SOX5: variants seen among roughly 807,000 people sequenced by gnomAD.
The protein encoded by SOX5 is transcription factor SOX-5.
In SOX5, 9 loss-of-function variants were observed where a neutral mutation model predicts 92.0. That is an observed-to-expected ratio of 0.10 (90% CI 0.06 to 0.17). The LOEUF is 0.17. Ranked by LOEUF, SOX5 falls within the 10% of genes least tolerant of loss-of-function variation. The pLI is 1.00. For synonymous variants in SOX5, 344 were observed against 336.3 expected, an observed-to-expected ratio of 1.02 and a Z score of -0.25; for missense variants, 642 against 944.5, an observed-to-expected ratio of 0.68 and a Z score of 4.20.
At chr12:23,980,622 T>A (rs66731110) in intron 4 of SOX5, among the ~76,000 whole-genome samples, 1 of 152,092 alleles carries the variant, frequency 6.6e-6, no homozygotes, top group Admixed American at 6.5e-5. Flanking sequence ...ACAACATTTC[T>A]GGTATATTCC....
chr12:24,077,054 A>G (rs1398771512), intron 4 of SOX5, among the ~76,000 whole-genome samples: 1 of 152,168 alleles, frequency 6.6e-6, no homozygotes, highest in African/African-American at 2.4e-5. Context: ...CACAGGAAGA[A>G]TTAGCCAATG....
intron 6 of SOX5, among the ~76,000 whole-genome samples, chr12:23,702,138 G>T (rs192429029): frequency 6.6e-6 from 1 of 152,072 alleles, no homozygotes; most frequent in East Asian, 1.9e-4. Flanking sequence ...AATAATATAT[G>T]TCTCTAACCA....
chr12:23,910,435 AGG>A (rs2097339475), intron 1 of SOX5, among the ~76,000 whole-genome samples: 1 of 152,156 alleles, frequency 6.6e-6, no homozygotes, highest in African/African-American at 2.4e-5. Context: ...GATTTCCCGC[AGG>A]TTTAAATACG....
chr12:23,816,574 C>CTT (rs1305789211), intron 3 of SOX5, among the ~76,000 whole-genome samples: 1 of 151,968 alleles, frequency 6.6e-6, no homozygotes, highest in Non-Finnish European at 1.5e-5. Flanking sequence ...GAAACCTGAA[C>CTT]TAAATAGTAA....
chr12:24,346,644 G>T (rs551053547), intron 2 of SOX5, among the ~76,000 whole-genome samples: 1 of 151,920 alleles, frequency 6.6e-6, no homozygotes, highest in African/African-American at 2.4e-5. Context: ...GTAGAGACGG[G>T]GCTTCACTAT....
chr12:23,992,642 G>A (rs1357931189), intron 4 of SOX5, among the ~76,000 whole-genome samples: 3 of 152,044 alleles, frequency 2.0e-5, no homozygotes, highest in Non-Finnish European at 4.4e-5. Flanking sequence ...CTAGCACTCT[G>A]AAGAATGCAT....
intron 5 of SOX5, among the ~76,000 whole-genome samples, chr12:23,738,082 A>G (rs1308130123): frequency 6.6e-6 from 1 of 152,190 alleles, no homozygotes; most frequent in Non-Finnish European, 1.5e-5. Flanking sequence ...GCTCCCACTA[A>G]CTAGAACAAA....
At chr12:24,307,513 G>GTTAGTTT in intron 2 of SOX5, among the ~76,000 whole-genome samples, 1 of 31,310 alleles carries the variant, frequency 3.2e-5, no homozygotes, top group African/African-American at 5.5e-5. Context: ...AAGGAAGGAA[G>GTTAGTTT]GAAGGCCGGC....
chr12:23,895,735 T>A, intron 2 of SOX5, 58 bp downstream of exon 2: 3 of 1,197,684 alleles, frequency 2.5e-6, no homozygotes, highest in Non-Finnish European at 3.7e-6. Flanking sequence ...GCCAAACTAT[T>A]AGAGGAGTAG....
At chr12:24,358,570 C>G (rs1370962335) in intron 2 of SOX5, among the ~76,000 whole-genome samples, 1 of 151,628 alleles carries the variant, frequency 6.6e-6, no homozygotes, top group Non-Finnish European at 1.5e-5. Context: ...CAAGATCGCG[C>G]CACTGCACTC....
chr12:23,705,933 A>T (rs1447168494), intron 6 of SOX5, among the ~76,000 whole-genome samples: 1 of 150,450 alleles, frequency 6.6e-6, no homozygotes, highest in East Asian at 1.9e-4. Flanking sequence ...ATGTATTGAG[A>T]GCTGCAGGAG....
At chr12:24,395,176 G>A (rs1298293499) in intron 1 of SOX5, among the ~76,000 whole-genome samples, 5 of 151,924 alleles carry the variant, frequency 3.3e-5, no homozygotes, top group Non-Finnish European at 7.4e-5. Context: ...TCCTACCACA[G>A]GGATGAGAAC....
At chr12:23,926,775 C>T (rs1940071866) in intron 1 of SOX5, among the ~76,000 whole-genome samples, 1 of 151,992 alleles carries the variant, frequency 6.6e-6, no homozygotes, top group South Asian at 2.1e-4. Context: ...ATGAGATATG[C>T]TTGTCAAGTC....
intron 4 of SOX5, among the ~76,000 whole-genome samples, chr12:24,087,073 G>A (rs1381487783): frequency 2.6e-5 from 4 of 152,056 alleles, no homozygotes; most frequent in Non-Finnish European, 5.9e-5. Context: ...TCAGTACTAA[G>A]GGCTCATGCA....
At chr12:24,219,357 T>G (rs1470844212) in intron 3 of SOX5, among the ~76,000 whole-genome samples, 2 of 152,022 alleles carry the variant, frequency 1.3e-5, no homozygotes, top group Non-Finnish European at 2.9e-5. Context: ...TTGATGGATA[T>G]CCCAATGACC....
At chr12:24,542,462 A>G (rs562703432) in intron 1 of SOX5, among the ~76,000 whole-genome samples, 1 of 152,284 alleles carries the variant, frequency 6.6e-6, no homozygotes, top group Admixed American at 6.5e-5. Context: ...TTTATAATAC[A>G]ACGTTCTTAG....
At chr12:24,099,527 G>A (rs1261739437) in intron 4 of SOX5, among the ~76,000 whole-genome samples, 1 of 152,128 alleles carries the variant, frequency 6.6e-6, no homozygotes, top group East Asian at 1.9e-4. Context: ...CACAGTAAGA[G>A]GGTGTGACAT....
At chr12:23,765,305 T>C (rs2094685338) in intron 3 of SOX5, among the ~76,000 whole-genome samples, 1 of 136,028 alleles carries the variant, frequency 7.4e-6, no homozygotes, top group South Asian at 2.3e-4. Flanking sequence ...TTCACAAACT[T>C]CGATACGATC....
intron 4 of SOX5, among the ~76,000 whole-genome samples, chr12:24,082,968 G>C (rs1943549323): frequency 6.6e-6 from 1 of 151,878 alleles, no homozygotes. Flanking sequence ...AAACTTCTCA[G>C]TTATGTTGGT....
Sources: allele counts gnomAD v4.1 joint callset (sites outside exome capture counted in the v4.1 genomes callset), GRCh38; gene constraint gnomAD v4.1.1; transcripts MANE v1.5; gene names NCBI Gene and HGNC (gene_info 2026-07-23, HGNC 2026-07-21).